Variants in EYS observed in about 807,000 individuals in gnomAD.
EYS encodes EGF-like photoreceptor maintenance factor.
EYS carries 250 observed loss-of-function variants against 282.1 expected under a neutral mutation model. That is an observed-to-expected ratio of 0.89 (90% confidence interval 0.80 to 0.98). The LOEUF is 0.98. Among genes scored for constraint, EYS ranks in the 50% least tolerant of loss-of-function variants. The probability of loss-of-function intolerance (pLI) is 0.00; values close to 1 mark genes in which losing one functional copy is unlikely to be tolerated. For missense variants in EYS, 4,016 were observed against 3,709.0 expected (o/e 1.08, Z -2.15); for synonymous variants, 1,355 against 1,282.9 (o/e 1.06, Z -1.20).
intron 36 of EYS, among the ~76,000 whole-genome samples, chr6:63,814,098 A>G (rs1771118164): frequency 6.6e-6 from 1 of 152,160 alleles, no homozygotes; most frequent in African/African-American, 2.4e-5. Context: ...AGGTTATCAA[A>G]CTATGTACGT....
At chr6:64,502,289 G>A (rs1027117557) in intron 26 of EYS, among the ~76,000 whole-genome samples, 2 of 151,922 alleles carry the variant, frequency 1.3e-5, no homozygotes, top group African/African-American at 4.8e-5. Flanking sequence ...CGCCCAGGCT[G>A]GAGCTCAGTG....
chr6:64,324,730 C>G (rs112739550), intron 29 of EYS, among the ~76,000 whole-genome samples: 34 of 152,256 alleles, frequency 2.2e-4, no homozygotes, highest in African/African-American at 7.0e-4. Context: ...AAGACTCTGC[C>G]AAAAGGCTAC....
At chr6:65,058,978 C>G (rs1773492873) in intron 12 of EYS, among the ~76,000 whole-genome samples, 1 of 151,866 alleles carries the variant, frequency 6.6e-6, no homozygotes, top group Non-Finnish European at 1.5e-5. Context: ...AAACCTACAT[C>G]AAATTAATCT....
intron 12 of EYS, among the ~76,000 whole-genome samples, chr6:65,123,191 T>G (rs1470275465): frequency 3.3e-5 from 5 of 152,118 alleles, no homozygotes; most frequent in African/African-American, 7.2e-5. Context: ...TTAAAAAAAT[T>G]TGTTCACCCT....
chr6:65,281,504 T>C (rs1768218919), intron 12 of EYS, among the ~76,000 whole-genome samples: 1 of 152,200 alleles, frequency 6.6e-6, no homozygotes, highest in Non-Finnish European at 1.5e-5. Context: ...GTTATTTTCT[T>C]GTATTTCAGA....
intron 26 of EYS, among the ~76,000 whole-genome samples, chr6:64,505,479 C>CA (rs1256408832): frequency 6.6e-6 from 1 of 152,222 alleles, no homozygotes; most frequent in Non-Finnish European, 1.5e-5. Context: ...AAGATGCTCA[C>CA]AGCCACCGGC....
chr6:64,778,634 G>A (rs994458226), intron 22 of EYS, among the ~76,000 whole-genome samples: 10 of 152,038 alleles, frequency 6.6e-5, no homozygotes, highest in Admixed American at 1.3e-4. Flanking sequence ...ACATATTTTC[G>A]AAACACATTA....
At chr6:64,045,644 A>G (rs956762066) in intron 33 of EYS, among the ~76,000 whole-genome samples, 1 of 150,494 alleles carries the variant, frequency 6.6e-6, no homozygotes, top group Non-Finnish European at 1.5e-5. Flanking sequence ...ACGGGGTTTC[A>G]CCATGTTGGC....
chr6:65,392,865 A>T (rs548697509), intron 7 of EYS, among the ~76,000 whole-genome samples: 1 of 152,168 alleles, frequency 6.6e-6, no homozygotes, highest in African/African-American at 2.4e-5. Flanking sequence ...ATAAAGACAC[A>T]TGCACACATA....
chr6:64,466,075 GTTA>G (rs1378740981), intron 26 of EYS, among the ~76,000 whole-genome samples: 1 of 152,038 alleles, frequency 6.6e-6, no homozygotes, highest in Non-Finnish European at 1.5e-5. Flanking sequence ...TGTTAGAATG[GTTA>G]TTATCTAAAA....
chr6:63,949,172 T>G (rs1402242648), intron 35 of EYS, among the ~76,000 whole-genome samples: 4 of 152,308 alleles, frequency 2.6e-5, no homozygotes, highest in African/African-American at 9.6e-5. Flanking sequence ...CATAGTTCTG[T>G]TAGAAGAAAA....
chr6:64,774,992 T>G (rs1048070850), intron 22 of EYS, among the ~76,000 whole-genome samples: 7 of 152,006 alleles, frequency 4.6e-5, no homozygotes, highest in Non-Finnish European at 1.0e-4. Context: ...TTCTAGTGCC[T>G]ATCAGATAAG....
chr6:64,779,874 C>T (rs1431712658), intron 22 of EYS, among the ~76,000 whole-genome samples: 1 of 152,136 alleles, frequency 6.6e-6, no homozygotes, highest in Non-Finnish European at 1.5e-5. Flanking sequence ...GAGGCTGGAA[C>T]TGGTTTAGTA....
At chr6:63,778,985 T>C (rs983650717) in intron 39 of EYS, among the ~76,000 whole-genome samples, 1 of 151,970 alleles carries the variant, frequency 6.6e-6, no homozygotes, top group Non-Finnish European at 1.5e-5. Flanking sequence ...AGAGTCTCCT[T>C]ATATAATGAG....
chr6:64,003,605 A>T (rs552133672), intron 33 of EYS, among the ~76,000 whole-genome samples: 1 of 152,238 alleles, frequency 6.6e-6, no homozygotes, highest in African/African-American at 2.4e-5. Context: ...AATTAAAAAA[A>T]AATTCCTCAA....
intron 31 of EYS, among the ~76,000 whole-genome samples, chr6:64,174,987 A>G (rs1038662305): frequency 3.3e-5 from 5 of 152,156 alleles, no homozygotes; most frequent in Non-Finnish European, 5.9e-5. Flanking sequence ...AATACCCATC[A>G]CAAAAATACT....
At chr6:65,246,719 CAT>C (rs992446896) in intron 12 of EYS, among the ~76,000 whole-genome samples, 6 of 152,126 alleles carry the variant, frequency 3.9e-5, no homozygotes, top group Non-Finnish European at 5.9e-5. Flanking sequence ...TACACACACA[CAT>C]GTATGCGTGC....
At chr6:65,486,494 GT>G (rs1291634215) in intron 5 of EYS, among the ~76,000 whole-genome samples, 27 of 152,258 alleles carry the variant, frequency 1.8e-4, no homozygotes, top group African/African-American at 6.5e-4. Context: ...AAAGAAATCA[GT>G]TTTTGAACAT....
At chr6:65,578,864 T>C (rs939642870) in intron 2 of EYS, among the ~76,000 whole-genome samples, 1 of 152,112 alleles carries the variant, frequency 6.6e-6, no homozygotes, top group African/African-American at 2.4e-5. Flanking sequence ...TAAAATGTTC[T>C]TGCATATTGA....
Sources: allele counts gnomAD v4.1 joint callset (sites outside exome capture counted in the v4.1 genomes callset), GRCh38; gene constraint gnomAD v4.1.1; transcripts MANE v1.5; gene names NCBI Gene and HGNC (gene_info 2026-07-23, HGNC 2026-07-21).